IP6K1: variants seen among roughly 807,000 people sequenced by gnomAD.
The protein encoded by IP6K1 is ATP:1D-myo-inositol-hexakisphosphate phosphotransferase.
IP6K1 carries 13 observed loss-of-function variants against 38.3 expected under a neutral mutation model. The observed-to-expected ratio is 0.34, with a 90% confidence interval of 0.22 to 0.54. IP6K1 has a LOEUF of 0.54. Ranked by LOEUF, IP6K1 falls within the 20% of genes least tolerant of loss-of-function variation. The pLI, the probability that IP6K1 is intolerant of heterozygous loss-of-function variation, is 0.92. For missense variants in IP6K1, 397 were observed against 599.8 expected (o/e 0.66, Z 3.53); for synonymous variants, 212 against 229.9 (o/e 0.92, Z 0.70).
At chr3:49,772,234 T>C (rs145702996) in intron 1 of IP6K1, among the ~76,000 whole-genome samples, 147 of 147,656 alleles carry the variant, frequency 1.0e-3, no homozygotes, top group African/African-American at 3.5e-3. Flanking sequence ...AATATATATA[T>C]ATATATATGT....
At chr3:49,767,353 C>T (rs2080920725) in intron 1 of IP6K1, among the ~76,000 whole-genome samples, 1 of 151,826 alleles carries the variant, frequency 6.6e-6, no homozygotes, top group Non-Finnish European at 1.5e-5. Context: ...CCGAGGTGGG[C>T]AGATCACCTG....
intron 4 of IP6K1, 81 bp from the exon 5 acceptor site, chr3:49,728,359 AG>A (rs2080530801): frequency 2.1e-6 from 3 of 1,425,886 alleles, no homozygotes; most frequent in Admixed American, 1.8e-5. Context: ...TTTCTATAAA[AG>A]GGGGCTTTTA....
intron 3 of IP6K1, among the ~76,000 whole-genome samples, chr3:49,737,257 C>T (rs930559073): frequency 8.5e-5 from 13 of 152,254 alleles, no homozygotes; most frequent in African/African-American, 3.1e-4. Flanking sequence ...CAAGTGGCTG[C>T]ACCACTTTAC....
intron 1 of IP6K1, among the ~76,000 whole-genome samples, chr3:49,751,965 T>C (rs1178515934): frequency 6.6e-6 from 1 of 152,198 alleles, no homozygotes; most frequent in African/African-American, 2.4e-5. Flanking sequence ...TATGTCTCCA[T>C]TCAAGTAAAA....
In IP6K1 at chr3:49,782,619, T is replaced by G. The variant is rs529665626; in HGVS notation, c.-129+3735A>C. On this transcript the variant is annotated intron_variant, in intron 1 of 5. Transcript: ENST00000321599. ...GAGTTTGAGACTAGCCTGAGCAACA[T>G]AGTGAGACCCCCATCTCTACAAAAA... Among the ~76,000 whole-genome samples, 52 of 152,024 alleles carry G rather than the reference T, an allele frequency of 3.4e-4. No individual in the cohort carries two copies. In the South Asian group the frequency reaches 0.01, roughly 30 times the overall value.
chr3:49,770,694 A>G (rs748696953), intron 1 of IP6K1, among the ~76,000 whole-genome samples: 101 of 152,224 alleles, frequency 6.6e-4, no homozygotes, highest in African/African-American at 1.8e-3. Flanking sequence ...AAGCCTTGCT[A>G]GAAATGTCCA....
chr3:49,735,185 T>C (rs913082687), intron 3 of IP6K1, among the ~76,000 whole-genome samples: 3 of 152,088 alleles, frequency 2.0e-5, no homozygotes, highest in Non-Finnish European at 2.9e-5. Context: ...TGAGACCCTA[T>C]CTCTACAAAA....
At chr3:49,767,552 C>A (rs2080922110) in intron 1 of IP6K1, among the ~76,000 whole-genome samples, 1 of 151,908 alleles carries the variant, frequency 6.6e-6, no homozygotes, top group Non-Finnish European at 1.5e-5. Context: ...GCACTCCAGG[C>A]TAGGTGACAG....
intron 1 of IP6K1, among the ~76,000 whole-genome samples, chr3:49,777,718 T>G (rs1032700886): frequency 6.7e-6 from 1 of 150,184 alleles, no homozygotes; most frequent in Admixed American, 6.7e-5. Context: ...ATCGAGACCA[T>G]CCTGGCTAAC....
At chr3:49,751,156 T>G (rs11711120) in intron 1 of IP6K1, among the ~76,000 whole-genome samples, 6 of 149,096 alleles carry the variant, frequency 4.0e-5, no homozygotes, top group African/African-American at 7.4e-5. Context: ...TCCTTTTTTT[T>G]TTGTTGTTGT....
chr3:49,781,277 G>A (rs1237102548), intron 1 of IP6K1, among the ~76,000 whole-genome samples: 2 of 152,132 alleles, frequency 1.3e-5, no homozygotes, highest in Non-Finnish European at 2.9e-5. Context: ...TGGCTAGGCT[G>A]GTCTCGAACT....
intron 4 of IP6K1, among the ~76,000 whole-genome samples, chr3:49,732,462 T>C (rs1345463670): frequency 6.6e-6 from 1 of 152,148 alleles, no homozygotes; most frequent in Non-Finnish European, 1.5e-5. Context: ...AAAATAAAAT[T>C]TAAATTAACT....
At chr3:49,756,838 A>AAG (rs1553695464) in intron 1 of IP6K1, among the ~76,000 whole-genome samples, 1,548 of 118,694 alleles carry the variant, frequency 0.013, 25 homozygotes, top group African/African-American at 0.048. Flanking sequence ...AAAAAAAAAA[A>AAG]AAAGAAAAAA....
At chr3:49,762,933 A>T (rs947632847) in intron 1 of IP6K1, among the ~76,000 whole-genome samples, 1 of 151,858 alleles carries the variant, frequency 6.6e-6, no homozygotes, top group Admixed American at 6.6e-5. Context: ...AACCACGCCC[A>T]GCTAATTTGT....
chr3:49,765,644 T>TCAAAAAAAA (rs2080904659), intron 1 of IP6K1, among the ~76,000 whole-genome samples: 2 of 109,890 alleles, frequency 1.8e-5, no homozygotes, highest in South Asian at 5.6e-4. Flanking sequence ...GAGACTCGTC[T>TCAAAAAAAA]TAAAAAAAAA....
rs772587623 is a variant in IP6K1 at position 49,727,415 on chromosome 3, G to A, written c.1033C>T (p.Arg345Trp). 17 of 1,613,980 alleles carry A rather than the reference G, an allele frequency of 1.1e-5. No individual in the cohort carries two copies. The highest frequency in any genetic ancestry group is 2.2e-5 in the East Asian group (1 of 44,876). The stretch of plus-strand genomic sequence containing the variant: ...CGGCGGTCCAGGCAGGACTCAGCCC[G>A]GCACTCCTTGCCATCATAGATGACA... ...LLVIYDGKECRAESCLDRRSE... is the reference protein window; with the variant it reads ...LLVIYDGKECWAESCLDRRSE... The change falls in exon 6 of 6, where the codon CGG (arginine) becomes TGG (tryptophan). Residue 345 changes from arginine to tryptophan, a missense_variant. By Grantham distance (101) the Arg-to-Trp change is moderately radical. Around this residue, in one of 3 missense-constraint regions of IP6K1, gnomAD observed 164 missense variants for 213.5 expected, o/e 0.77. Transcript: ENST00000321599. This position sits in a 1 kb window ranked among gnomAD's most constrained non-coding sequence, Gnocchi z 5.9.
chr3:49,736,723 T>C (rs932047819), intron 3 of IP6K1, among the ~76,000 whole-genome samples: 3 of 152,140 alleles, frequency 2.0e-5, no homozygotes, highest in African/African-American at 7.2e-5. Flanking sequence ...TCAATTCTTT[T>C]GGGTATATAC....
intron 1 of IP6K1, among the ~76,000 whole-genome samples, chr3:49,776,301 G>GA (rs1163862054): frequency 6.6e-6 from 1 of 152,098 alleles, no homozygotes; most frequent in Non-Finnish European, 1.5e-5. Flanking sequence ...CAGATCACTT[G>GA]AAGCCAGGAG....
At chr3:49,733,652 C>A (rs941446191) in intron 3 of IP6K1, among the ~76,000 whole-genome samples, 2 of 152,168 alleles carry the variant, frequency 1.3e-5, no homozygotes, top group African/African-American at 4.8e-5. Flanking sequence ...ATAAGCCAGA[C>A]ACAAAAGGAT....
Sources: gnomAD v4.1 joint callset for allele counts (sites outside exome capture counted in the v4.1 genomes callset) on GRCh38, gnomAD v4.1.1 for gene constraint, gnomAD v4.1.1 regional missense constraint, Gnocchi (gnomAD v3.1) non-coding constraint, MANE v1.5 for transcripts, NCBI Gene and HGNC (gene_info 2026-07-23, HGNC 2026-07-21) for gene names.